ERCC6L2: variants seen among roughly 807,000 people sequenced by gnomAD.
ERCC6L2 encodes ERCC excision repair 6 like 2.
A neutral mutation model predicts 132.0 loss-of-function variants in ERCC6L2; 77 were observed. That is an observed-to-expected ratio of 0.58 (90% CI 0.49 to 0.71). The LOEUF (loss-of-function observed/expected upper bound fraction) is 0.71. ERCC6L2 is among the 30% of genes least tolerant of loss of function. ERCC6L2 has a pLI of 0.00. For synonymous variants in ERCC6L2, 583 were observed against 632.4 expected (o/e 0.92, Z 1.17); for missense variants, 1,542 against 1,837.6 (o/e 0.84, Z 2.94).
At chr9:95,958,795 A>C (rs570819734) in intron 13 of ERCC6L2, among the ~76,000 whole-genome samples, 180 of 152,302 alleles carry the variant, frequency 1.2e-3, no homozygotes, top group African/African-American at 4.1e-3. Context: ...AAAGAGAATA[A>C]AATACCTAGG....
At chr9:95,992,450 T>G (rs1211837429) in intron 17 of ERCC6L2, among the ~76,000 whole-genome samples, 1 of 152,228 alleles carries the variant, frequency 6.6e-6, no homozygotes, top group African/African-American at 2.4e-5. Flanking sequence ...ATTTGGTCTT[T>G]CTCTGTGTGA....
At chr9:95,916,022 G>A (rs1829569131) in intron 5 of ERCC6L2, among the ~76,000 whole-genome samples, 193 bp downstream of exon 5, 1 of 152,134 alleles carries the variant, frequency 6.6e-6, no homozygotes, top group Admixed American at 6.5e-5. Flanking sequence ...CTTGGTCCCT[G>A]AAGTAAATAT....
chr9:95,928,072 T>C lies in ERCC6L2; in HGVS notation c.1534-7T>C, dbSNP rs746730938. 3 of 1,609,362 alleles carry C rather than the reference T, an allele frequency of 1.9e-6. No homozygotes were observed. Among genetic ancestry groups the C allele is most frequent in the Admixed American group, 1.7e-5 (1 of 59,938 alleles). On this transcript the variant is annotated splice_region_variant and splice_polypyrimidine_tract_variant and intron_variant, in intron 9 of 18. Coordinates refer to ENST00000653738, the MANE Select transcript of ERCC6L2 (RefSeq NM_020207.7). ...TGGTTCACTGATTTTCTGTGGTTCA[T>C]TTTCAGGTCCTTCAGCAGCTTTTAA...
intron 12 of ERCC6L2, among the ~76,000 whole-genome samples, chr9:95,943,247 G>T (rs966217): frequency 0.24 from 37,079 of 151,980 alleles, 5,515 homozygotes; most frequent in East Asian, 0.4. Flanking sequence ...TATAAATTTT[G>T]ATAATTGTCA....
At chr9:95,915,455 G>A (rs1829536549) in intron 4 of ERCC6L2, among the ~76,000 whole-genome samples, 2 of 152,084 alleles carry the variant, frequency 1.3e-5, no homozygotes, top group Admixed American at 6.6e-5. Flanking sequence ...ATTAAAGAAT[G>A]TCTATACCCT....
rs1830790361 is a variant in ERCC6L2, at chr9:95,941,401, A to G, written c.1752-53A>G. ...ACCTGGCACAGTTGAGTTATAGCAC[A>G]ACAGTTAGTTTTTGCTGTTCTAATG... On this transcript the variant is annotated intron_variant, in intron 11 of 18. Coordinates refer to ENST00000653738, the MANE Select transcript of ERCC6L2 (RefSeq NM_020207.7). The G allele has an allele frequency of 2.3e-6, 3 of 1,324,530 alleles. No individual in the cohort carries two copies. The African/African-American group carries it at 4.4e-5, about 19-fold the overall frequency. 82.0% of individuals were successfully genotyped at this position (1,324,530 alleles called of 1,614,324 possible).
At chr9:95,977,243 G>A (rs1369360883) in intron 16 of ERCC6L2, among the ~76,000 whole-genome samples, 1 of 152,146 alleles carries the variant, frequency 6.6e-6, no homozygotes, top group South Asian at 2.1e-4. Flanking sequence ...CTGAAATGAA[G>A]GAGAATGTTA....
At chr9:95,986,497 C>CTTT (rs57381408) in intron 17 of ERCC6L2, among the ~76,000 whole-genome samples, 147 of 116,200 alleles carry the variant, frequency 1.3e-3, no homozygotes, top group East Asian at 4.8e-3. Flanking sequence ...TATCTCTCTC[C>CTTT]TTTTTTTTTT....
Position 96,015,654 on chromosome 9 carries a change from T to G in ERCC6L2, c.*2451T>G, listed in dbSNP as rs867142410. On this transcript the variant is annotated 3_prime_UTR_variant, in exon 19 of 19. Coordinates refer to ENST00000653738, the MANE Select transcript of ERCC6L2 (RefSeq NM_020207.7). ...ACTAAAAAAAAAAAAAATACAAAAA[T>G]TAGCCAGGCGTGGTGGTGGGCGCCT... Among the ~76,000 whole-genome samples, 12 of 145,466 alleles carry G rather than the reference T, an allele frequency of 8.2e-5. No individual in the cohort carries two copies. The highest frequency in any genetic ancestry group is 3.1e-4 in the African/African-American group (12 of 39,334).
At chr9:95,928,687 C>A (rs575611224) in intron 10 of ERCC6L2, 32 bp from the exon 11 acceptor site, 2 of 1,565,988 alleles carry the variant, frequency 1.3e-6, no homozygotes, top group East Asian at 2.3e-5. Context: ...AACCAAGATT[C>A]ATGTTTGCCC....
intron 1 of ERCC6L2, among the ~76,000 whole-genome samples, chr9:95,879,201 C>T (rs1200544897): frequency 6.6e-6 from 1 of 152,096 alleles, no homozygotes; most frequent in African/African-American, 2.4e-5. Context: ...GCCATTCTAA[C>T]TGGTGTGAGA....
intron 12 of ERCC6L2, among the ~76,000 whole-genome samples, chr9:95,948,412 G>T (rs1243801946): frequency 6.6e-6 from 1 of 152,178 alleles, no homozygotes; most frequent in Non-Finnish European, 1.5e-5. Context: ...CAACATTTTG[G>T]GAGGCCAGGG....
At chr9:95,884,166 G>T (rs1247506650) in intron 2 of ERCC6L2, among the ~76,000 whole-genome samples, 3 of 152,156 alleles carry the variant, frequency 2.0e-5, no homozygotes, top group Non-Finnish European at 2.9e-5. Flanking sequence ...GTCTTTGAGG[G>T]AGTACCGTCT....
chr9:95,882,513 T>A (rs753449519), intron 2 of ERCC6L2, among the ~76,000 whole-genome samples: 3 of 152,230 alleles, frequency 2.0e-5, no homozygotes, highest in African/African-American at 2.4e-5. Flanking sequence ...ATTAAGTTAT[T>A]CTGCTTCCTT....
intron 14 of ERCC6L2, among the ~76,000 whole-genome samples, chr9:95,969,581 G>A (rs1008225611): frequency 1.3e-5 from 2 of 152,130 alleles, no homozygotes; most frequent in African/African-American, 2.4e-5. Context: ...CTATAATAAC[G>A]GAGTTTCAAC....
chr9:95,939,344 A>AACT (rs1830696223), intron 11 of ERCC6L2, among the ~76,000 whole-genome samples: 4 of 151,418 alleles, frequency 2.6e-5, no homozygotes, highest in African/African-American at 7.3e-5. Flanking sequence ...GTCTGCTGGT[A>AACT]ACAGGTGCTC....
At chr9:95,898,587 A>C (rs1828589030) in intron 3 of ERCC6L2, among the ~76,000 whole-genome samples, 1 of 152,194 alleles carries the variant, frequency 6.6e-6, no homozygotes, top group Non-Finnish European at 1.5e-5. Flanking sequence ...CTTACAAAAA[A>C]GATTTCTAAT....
intron 17 of ERCC6L2, among the ~76,000 whole-genome samples, chr9:95,985,054 C>G (rs1030661743): frequency 6.6e-6 from 1 of 152,160 alleles, no homozygotes; most frequent in Non-Finnish European, 1.5e-5. Flanking sequence ...TGTTCCACTC[C>G]AATTTGACCC....
Position 96,018,202 on chromosome 9 carries a change from G to A in ERCC6L2, c.*4999G>A, listed in dbSNP as rs573141365. Among the ~76,000 whole-genome samples, 4 of 152,232 alleles carry A rather than the reference G, an allele frequency of 2.6e-5. No individual in the cohort carries two copies. The highest frequency in any genetic ancestry group is 5.9e-5 in the Non-Finnish European group (4 of 68,028). On this transcript the variant is annotated 3_prime_UTR_variant, in exon 19 of 19. Transcript: ENST00000653738. ...GCAATGTGAATTTAATGACACTGAAGTGTACACTTAAAAGTCATTAAAATG... is the reference window on the plus strand; with the variant it reads ...GCAATGTGAATTTAATGACACTGAAATGTACACTTAAAAGTCATTAAAATG...
Sources: allele counts gnomAD v4.1 joint callset (sites outside exome capture counted in the v4.1 genomes callset), GRCh38; gene constraint gnomAD v4.1.1; transcripts MANE v1.5; gene names NCBI Gene and HGNC (gene_info 2026-07-23, HGNC 2026-07-21).